MFN1: variants seen among roughly 807,000 people sequenced by gnomAD.
The protein encoded by MFN1 is mitofusin-1.
In MFN1, 65 loss-of-function variants were observed where a neutral mutation model predicts 92.4. The ratio of observed to expected loss-of-function variants is 0.70; its 90% confidence interval spans 0.58 to 0.86. The LOEUF (loss-of-function observed/expected upper bound fraction) is 0.86, where lower values mean the gene tolerates loss of function less well. Among genes scored for constraint, MFN1 ranks in the 40% least tolerant of loss-of-function variants. MFN1 has a pLI of 0.00. For synonymous variants in MFN1, 297 were observed against 300.9 expected (o/e 0.99, Z 0.13); for missense variants, 781 against 868.0 (o/e 0.90, Z 1.26).
chr3:179,373,404 C>T (rs974926108), intron 9 of MFN1, among the ~76,000 whole-genome samples: 3 of 152,022 alleles, frequency 2.0e-5, no homozygotes, highest in Admixed American at 6.5e-5. Flanking sequence ...AGCCTAAAAG[C>T]CATTTATTAA....
rs558411923 is a variant in MFN1, at chr3:179,385,499, A to G, written c.1663-70A>G. On this transcript the variant is annotated intron_variant, in intron 14 of 17. Coordinates refer to ENST00000471841, the MANE Select transcript of MFN1 (RefSeq NM_033540.3). ...CTCATAGATGTGCTACTATAATTTT[A>G]GAGTTTTATAAAGATAACTTTATAG... is the stretch of plus-strand genomic sequence containing the variant. 4,336 of 1,403,006 alleles carry G rather than the reference A, an allele frequency of 3.1e-3. 11 individuals are homozygous for G. The highest frequency in any genetic ancestry group is 4.1e-3 in the South Asian group (283 of 69,352). 86.9% of individuals were successfully genotyped at this position (1,403,006 alleles called of 1,614,324 possible). A position where few individuals can be genotyped will look rare whatever the true frequency, so the allele number is the denominator to read the frequency against.
rs751695775 is a variant in MFN1, at chr3:179,378,744, T to A, written c.1592T>A (p.Leu531His). The change falls in exon 14 of 18, where the codon CTT becomes CAT. Residue 531 changes from leucine to histidine, a missense_variant. Transcript: ENST00000471841. ...CGTTTTTCCCTGGGCTGGTCTTCCCTTGTACATCGATTTTTGGGCCCTAGA... is the reference window on the plus strand; with the variant it reads ...CGTTTTTCCCTGGGCTGGTCTTCCCATGTACATCGATTTTTGGGCCCTAGA... ...VFRFSLGWSS[L>H]VHRFLGPRNA... 81 of 1,613,984 alleles carry A rather than the reference T, an allele frequency of 5.0e-5. No individual in the cohort carries two copies. The highest frequency in any genetic ancestry group is 6.5e-5 in the Non-Finnish European group (77 of 1,179,978).
At chr3:179,390,648 A>G in intron 17 of MFN1, among the ~76,000 whole-genome samples, 1 of 152,190 alleles carries the variant, frequency 6.6e-6, no homozygotes, top group East Asian at 1.9e-4. Flanking sequence ...CAAGACTGAA[A>G]GTGTCACCAT....
intron 4 of MFN1, 30 bp downstream of exon 4, chr3:179,359,032 A>G: frequency 6.3e-7 from 1 of 1,595,282 alleles, no homozygotes; most frequent in African/African-American, 1.3e-5. Context: ...GCAGAATAAT[A>G]TACCTGAAAC....
chr3:179,389,485 TAAAAG>T (rs1258271993), intron 16 of MFN1, among the ~76,000 whole-genome samples: 2 of 152,270 alleles, frequency 1.3e-5, no homozygotes, highest in East Asian at 1.9e-4. Flanking sequence ...AACAAAATAT[TAAAAG>T]AATGACACAT....
intron 9 of MFN1, among the ~76,000 whole-genome samples, chr3:179,373,855 A>G (rs1713116872): frequency 6.6e-6 from 1 of 151,844 alleles, no homozygotes; most frequent in African/African-American, 2.4e-5. Flanking sequence ...TTGTATTTTT[A>G]GTAGAGATGG....
chr3:179,362,503 C>T (rs1237499668), intron 5 of MFN1, 21 bp downstream of exon 5: 1 of 1,606,326 alleles, frequency 6.2e-7, no homozygotes, highest in Non-Finnish European at 8.5e-7. Flanking sequence ...ATGTGGATTG[C>T]ATTTTCTCTG....
intron 2 of MFN1, among the ~76,000 whole-genome samples, chr3:179,349,440 G>T (rs1273559728): frequency 1.3e-5 from 2 of 151,896 alleles, no homozygotes; most frequent in Admixed American, 1.3e-4. Flanking sequence ...GAATTGCAGT[G>T]GAAAGGGGGA....
intron 14 of MFN1, among the ~76,000 whole-genome samples, chr3:179,382,106 T>C (rs1713491223): frequency 6.6e-6 from 1 of 152,164 alleles, no homozygotes; most frequent in Non-Finnish European, 1.5e-5. Flanking sequence ...AGTTCTAGGG[T>C]ACATGTACAC....
At chr3:179,356,206 T>C (rs1004029652) in intron 3 of MFN1, among the ~76,000 whole-genome samples, 1 of 152,166 alleles carries the variant, frequency 6.6e-6, no homozygotes, top group African/African-American at 2.4e-5. Context: ...AAAGGTTAAG[T>C]GATCAGGGGA....
intron 9 of MFN1, among the ~76,000 whole-genome samples, chr3:179,373,904 A>T (rs1713119274): frequency 6.6e-6 from 1 of 151,842 alleles, no homozygotes; most frequent in Admixed American, 6.6e-5. Flanking sequence ...CAATCTCCTG[A>T]CCTCGTGATC....
intron 9 of MFN1, among the ~76,000 whole-genome samples, chr3:179,374,261 C>G (rs1458263027): frequency 6.7e-6 from 1 of 149,252 alleles, no homozygotes; most frequent in Non-Finnish European, 1.5e-5. Context: ...CGAGATCATG[C>G]CATTGCACTC....
Position 179,393,208 on chromosome 3 carries a change from T to C in MFN1, c.*1149T>C, listed in dbSNP as rs1713975448. ...TCTTTAATGAATCAAATAAAATCTTTAACTGATGTTAAAAAAAATTGATTG... is the reference window on the plus strand; with the variant it reads ...TCTTTAATGAATCAAATAAAATCTTCAACTGATGTTAAAAAAAATTGATTG... On this transcript the variant is annotated 3_prime_UTR_variant, in exon 18 of 18. Transcript: ENST00000471841. 1 of 152,160 alleles carries C rather than the reference T, an allele frequency of 6.6e-6. No individual in the cohort carries two copies. The highest frequency in any genetic ancestry group is 1.5e-5 in the Non-Finnish European group (1 of 68,032). 9.4% of individuals were successfully genotyped at this position (152,160 alleles called of 1,614,324 possible).
intron 16 of MFN1, among the ~76,000 whole-genome samples, chr3:179,387,670 T>C (rs923034936): frequency 7.7e-6 from 1 of 130,610 alleles, no homozygotes; most frequent in Non-Finnish European, 1.6e-5. Context: ...CTCGGCTCAC[T>C]GCAACCTCCA....
intron 7 of MFN1, among the ~76,000 whole-genome samples, chr3:179,366,100 A>G (rs1374380480): frequency 1.3e-5 from 2 of 152,046 alleles, no homozygotes; most frequent in African/African-American, 4.8e-5. Context: ...TTTTGTTACA[A>G]TTGGGGTTTT....
At position 179,353,031 on chromosome 3, in the gene MFN1, C is replaced by T. The variant is rs1712209569; in HGVS notation, c.248+996C>T. ...CCTCCCAAAGTGTTGGAATTACAGG[C>T]GTGAGCCACCGCATCCAGCCTAAAT... On this transcript the variant is annotated intron_variant, in intron 3 of 17. Transcript: ENST00000471841. Among the ~76,000 whole-genome samples, 5 of 150,030 alleles carry T rather than the reference C, an allele frequency of 3.3e-5. No homozygotes were observed. In the South Asian group the frequency reaches 6.3e-4, roughly 19 times the overall value.
rs1172933037 is a variant in MFN1, at chr3:179,392,215, G to T, written c.*156G>T. ...GATTCTGGTAATGATCTGTCTCAGG[G>T]TATGTGTATTTTTGAAGAGTGTTAT... On this transcript the variant is annotated 3_prime_UTR_variant, in exon 18 of 18. Transcript: ENST00000471841. The T allele has an allele frequency of 4.9e-5, 25 of 505,622 alleles. No homozygotes were observed. The highest frequency in any genetic ancestry group is 4.3e-5 in the Non-Finnish European group (12 of 282,008). The allele number at this position is 505,622 out of a possible 1,614,324, so 31.3% of individuals were successfully genotyped here.
rs755938782 is a variant in MFN1 at position 179,377,159 on chromosome 3, G to C, written c.1215G>C (p.Val405=). ...AAATCAAGGAGGTTACCGAGGAGGT[G>C]GCAAACAAAGTGGGTAACAGTAGCT... The part of the protein sequence containing the change: ...KKKIKEVTEE[V]ANKVSCAMTD... Residue 405 remains valine (V), a synonymous_variant, in exon 11 of 18, where the codon GTG becomes GTC. Transcript: ENST00000471841. The C allele has an allele frequency of 1.9e-6, 3 of 1,613,012 alleles. No individual in the cohort carries two copies. The South Asian group carries it at 3.3e-5, about 18-fold the overall frequency.
At chr3:179,363,975 AT>A (rs1712685388) in intron 5 of MFN1, among the ~76,000 whole-genome samples, 1 of 152,112 alleles carries the variant, frequency 6.6e-6, no homozygotes, top group African/African-American at 2.4e-5. Flanking sequence ...TTAAATTTAT[AT>A]TTTTTTATTT....
Sources: allele counts gnomAD v4.1 joint callset (sites outside exome capture counted in the v4.1 genomes callset), GRCh38; gene constraint gnomAD v4.1.1; transcripts MANE v1.5; gene names NCBI Gene and HGNC (gene_info 2026-07-23, HGNC 2026-07-21).